The following ANKS1B variants were observed in gnomAD, a reference collection of about 807,000 sequenced individuals.
ANKS1B encodes ankyrin repeat and sterile alpha motif domain-containing protein 1B.
In ANKS1B, 36 loss-of-function variants were observed where a neutral mutation model predicts 148.3. The observed-to-expected ratio is 0.24, with a 90% CI of 0.19 to 0.32. The LOEUF is 0.32. ANKS1B is among the 10% of genes least tolerant of loss of function. The pLI is 1.00. For synonymous variants in ANKS1B, 542 were observed against 560.8 expected (o/e 0.97, Z 0.47); for missense variants, 1,157 against 1,542.6 (o/e 0.75, Z 4.19).
intron 16 of ANKS1B, among the ~76,000 whole-genome samples, chr12:99,059,151 T>G (rs1006716676): frequency 1.3e-5 from 2 of 152,178 alleles, no homozygotes; most frequent in African/African-American, 2.4e-5. Flanking sequence ...TTCTGTAGTA[T>G]TTTCCATAGA....
chr12:98,912,615 A>G (rs1438033404), intron 17 of ANKS1B, among the ~76,000 whole-genome samples: 1 of 152,206 alleles, frequency 6.6e-6, no homozygotes, highest in Admixed American at 6.5e-5. Flanking sequence ...TCAGTAACAC[A>G]GTATCTGGCA....
intron 12 of ANKS1B, among the ~76,000 whole-genome samples, chr12:99,339,571 A>G (rs1173520303): frequency 6.6e-6 from 1 of 152,120 alleles, no homozygotes; most frequent in Non-Finnish European, 1.5e-5. Context: ...GGGGAGTACA[A>G]TCGCTGGAGG....
chr12:99,313,500 T>C (rs1039383404), intron 12 of ANKS1B, among the ~76,000 whole-genome samples: 6 of 152,064 alleles, frequency 3.9e-5, no homozygotes, highest in African/African-American at 1.2e-4. Context: ...CTGATGAAGA[T>C]CAATGCAAAA....
chr12:99,043,498 G>A (rs953686534), intron 17 of ANKS1B, among the ~76,000 whole-genome samples: 1 of 152,208 alleles, frequency 6.6e-6, no homozygotes. Flanking sequence ...CTGGACTTCA[G>A]GTATGCTGCC....
At chr12:99,782,434 C>T (rs2064444289) in intron 4 of ANKS1B, among the ~76,000 whole-genome samples, 1 of 152,150 alleles carries the variant, frequency 6.6e-6, no homozygotes, top group African/African-American at 2.4e-5. Context: ...TGGTATGTGC[C>T]TGTAATCCCA....
chr12:99,246,989 C>A, intron 12 of ANKS1B, 125 bp from the exon 13 acceptor site: 3 of 750,744 alleles, frequency 4.0e-6, no homozygotes, highest in Non-Finnish European at 6.5e-6. Context: ...GCAATACCTT[C>A]ACTTTATGAA....
intron 11 of ANKS1B, among the ~76,000 whole-genome samples, chr12:99,406,429 T>A (rs1173599353): frequency 6.9e-6 from 1 of 145,574 alleles, no homozygotes; most frequent in Non-Finnish European, 1.5e-5. Context: ...AATGACCAAA[T>A]GGGTCAATGA....
intron 4 of ANKS1B, among the ~76,000 whole-genome samples, chr12:99,805,262 G>GAAAAAAA (rs1567880890): frequency 2.6e-3 from 22 of 8,320 alleles, no homozygotes; most frequent in African/African-American, 0.012. Context: ...GGAGGAAAAG[G>GAAAAAAA]CAAAAAAAAA....
At chr12:99,306,827 C>T (rs2082413459) in intron 12 of ANKS1B, among the ~76,000 whole-genome samples, 1 of 151,956 alleles carries the variant, frequency 6.6e-6, no homozygotes, top group Non-Finnish European at 1.5e-5. Flanking sequence ...TGTTCTTATA[C>T]AGTTGATTTT....
At chr12:99,934,412 G>A (rs2094704494) in intron 1 of ANKS1B, among the ~76,000 whole-genome samples, 1 of 152,028 alleles carries the variant, frequency 6.6e-6, no homozygotes, top group Non-Finnish European at 1.5e-5. Flanking sequence ...GCTTCTCTTT[G>A]CTGGGAGACT....
At chr12:98,817,800 G>A (rs1216349660) in intron 19 of ANKS1B, among the ~76,000 whole-genome samples, 2 of 152,208 alleles carry the variant, frequency 1.3e-5, no homozygotes, top group African/African-American at 4.8e-5. Flanking sequence ...GCTGCTTCCT[G>A]CCATTTCTCC....
chr12:99,298,355 C>T (rs560780895), intron 12 of ANKS1B, among the ~76,000 whole-genome samples: 1 of 152,238 alleles, frequency 6.6e-6, no homozygotes, highest in Admixed American at 6.5e-5. Flanking sequence ...TAGTAGTGAA[C>T]AAGTCTCATG....
intron 11 of ANKS1B, among the ~76,000 whole-genome samples, chr12:99,402,706 T>C (rs530096596): frequency 2.0e-5 from 3 of 146,634 alleles, no homozygotes; most frequent in South Asian, 2.1e-4. Context: ...ACATTTTCTT[T>C]ATCCAGTCTA....
At chr12:99,179,378 G>A (rs536384689) in intron 14 of ANKS1B, among the ~76,000 whole-genome samples, 13 of 132,606 alleles carry the variant, frequency 9.8e-5, no homozygotes, top group Non-Finnish European at 1.5e-4. Flanking sequence ...GCAGTGAGCC[G>A]AAATGGCACC....
intron 8 of ANKS1B, among the ~76,000 whole-genome samples, chr12:99,677,280 T>A (rs990571803): frequency 2.0e-5 from 3 of 152,218 alleles, no homozygotes; most frequent in African/African-American, 7.2e-5. Flanking sequence ...ATTACAAAAT[T>A]GACATGACTT....
intron 17 of ANKS1B, among the ~76,000 whole-genome samples, chr12:98,914,484 T>C (rs1432671946): frequency 1.3e-5 from 2 of 152,202 alleles, no homozygotes; most frequent in Admixed American, 6.5e-5. Context: ...GCCTCCCTTG[T>C]TCTTTAAGAG....
intron 8 of ANKS1B, among the ~76,000 whole-genome samples, chr12:99,771,926 T>A (rs1413722964): frequency 6.6e-6 from 1 of 151,972 alleles, no homozygotes; most frequent in African/African-American, 2.4e-5. Flanking sequence ...CTTAGCAAGT[T>A]TTTTTTTAGT....
intron 10 of ANKS1B, among the ~76,000 whole-genome samples, chr12:99,470,696 A>G (rs900172754): frequency 2.6e-5 from 4 of 152,184 alleles, no homozygotes; most frequent in Admixed American, 2.6e-4. Context: ...TGATATGTCT[A>G]TCATATAAAT....
intron 17 of ANKS1B, among the ~76,000 whole-genome samples, chr12:98,933,473 C>T (rs1469689285): frequency 6.6e-6 from 1 of 152,088 alleles, no homozygotes; most frequent in Non-Finnish European, 1.5e-5. Flanking sequence ...GTGCTAATAC[C>T]TCTTTAGATC....
Sources: allele counts gnomAD v4.1 joint callset (sites outside exome capture counted in the v4.1 genomes callset), GRCh38; gene constraint gnomAD v4.1.1; transcripts MANE v1.5; gene names NCBI Gene and HGNC (gene_info 2026-07-23, HGNC 2026-07-21).